The following CPA6 variants were observed in gnomAD, a reference collection of about 807,000 sequenced individuals.
CPA6 encodes the protein carboxypeptidase B.
Under a neutral mutation model 63.3 loss-of-function variants are expected in CPA6, and 58 were observed. That is an observed-to-expected ratio of 0.92 (90% CI 0.74 to 1.14). The LOEUF (loss-of-function observed/expected upper bound fraction) is 1.14, where lower values mean the gene tolerates loss of function less well. CPA6 is among the 50% of genes most tolerant of loss of function. The pLI is 0.00. For missense variants in CPA6, 565 were observed against 526.6 expected (o/e 1.07, Z -0.71); for synonymous variants, 185 against 179.0 (o/e 1.03, Z -0.27).
chr8:67,662,842 C>A (rs986762116), intron 1 of CPA6, among the ~76,000 whole-genome samples: 1 of 152,158 alleles, frequency 6.6e-6, no homozygotes, highest in South Asian at 2.1e-4. Flanking sequence ...AGAGGCAGAT[C>A]TCTCCTCTCC....
At chr8:67,732,007 G>C (rs1181291801) in intron 1 of CPA6, among the ~76,000 whole-genome samples, 5 of 152,078 alleles carry the variant, frequency 3.3e-5, no homozygotes. Flanking sequence ...GCTAATAAAA[G>C]TGTTGACCAG....
intron 6 of CPA6, among the ~76,000 whole-genome samples, chr8:67,489,320 C>A (rs986802600): frequency 6.6e-6 from 1 of 152,006 alleles, no homozygotes; most frequent in Non-Finnish European, 1.5e-5. Flanking sequence ...AGACTTTATT[C>A]GTTTCTCATA....
chr8:67,468,098 G>T (rs528612383), intron 8 of CPA6, among the ~76,000 whole-genome samples: 8 of 151,864 alleles, frequency 5.3e-5, no homozygotes, highest in Non-Finnish European at 8.8e-5. Flanking sequence ...ATCTGTAAGG[G>T]CTCCCAATTA....
chr8:67,548,286 CTA>C (rs756981604), intron 2 of CPA6, among the ~76,000 whole-genome samples: 2 of 141,222 alleles, frequency 1.4e-5, no homozygotes, highest in Non-Finnish European at 3.0e-5. Flanking sequence ...GAGTCTGACT[CTA>C]TTGCCCAGCC....
chr8:67,529,138 T>C (rs2128968613), intron 2 of CPA6, among the ~76,000 whole-genome samples: 1 of 152,180 alleles, frequency 6.6e-6, no homozygotes, highest in East Asian at 1.9e-4. Flanking sequence ...TTGATGTTCT[T>C]ATCTACAGAC....
In CPA6 at chr8:67,617,851, T is replaced by C. The variant is rs190593712; in HGVS notation, c.192+6325A>G. The stretch of plus-strand genomic sequence containing the variant: ...AGGACTGAGGCCCCCATTTTCCTTT[T>C]AGTAGGCTTTAGATAGTTCTCAGCA... On this transcript the variant is annotated intron_variant, in intron 2 of 10. Transcript: ENST00000297770. 3.3e-5 allele frequency among the ~76,000 whole-genome samples: 5 copies of C among 152,318 alleles called. No homozygotes were observed. The East Asian group carries it at 9.7e-4, about 29-fold the overall frequency.
At chr8:67,596,272 G>T in intron 2 of CPA6, among the ~76,000 whole-genome samples, 2 of 152,092 alleles carry the variant, frequency 1.3e-5, no homozygotes, top group East Asian at 3.9e-4. Context: ...CTTCTTGAAA[G>T]ATATTTTTAC....
intron 1 of CPA6, among the ~76,000 whole-genome samples, chr8:67,676,631 T>C (rs923616776): frequency 6.6e-6 from 1 of 152,206 alleles, no homozygotes; most frequent in Non-Finnish European, 1.5e-5. Context: ...CCAACTGTAA[T>C]AGGTTCATTT....
rs767656765 is a variant in CPA6, at chr8:67,475,877, TTCTC to T, written c.838+7887_838+7890del. ...TTTCTTTCTTTCTTTCTTTCTTTCT[TTCTC>T]CTTTCTTTCTTTCTTTCTTTCTTTC... is the stretch of plus-strand genomic sequence containing the variant. On this transcript the variant is annotated intron_variant, in intron 8 of 10. Coordinates refer to ENST00000297770, the MANE Select transcript of CPA6 (RefSeq NM_020361.5). Among the ~76,000 whole-genome samples, 9 of 72,086 alleles carry T rather than the reference TTCTC, an allele frequency of 1.2e-4. 1 individual carries two copies. The highest frequency in any genetic ancestry group is 3.9e-4 in the African/African-American group (7 of 17,938). 47.3% of individuals were successfully genotyped at this position (72,086 alleles called of 152,430 possible). A position where few individuals can be genotyped will look rare whatever the true frequency, so the allele number is the denominator to read the frequency against.
In CPA6 at chr8:67,452,220, A is replaced by C. The variant is rs1445030413; in HGVS notation, c.839-17980T>G. The C allele has an allele frequency of 2.0e-5, 3 of 152,290 alleles. No individual in the cohort carries two copies. In the East Asian group the frequency reaches 5.8e-4, roughly 29 times the overall value. The allele number at this position is 152,290 out of a possible 1,614,324, so 9.4% of individuals were successfully genotyped here. A position where few individuals can be genotyped will look rare whatever the true frequency, so the allele number is the denominator to read the frequency against. ...GTGTGTGAAAGATGGGCAGGGCCAC[A>C]AAAAGGACAGGCTGGGATATGGAGC... is the stretch of plus-strand genomic sequence containing the variant. On this transcript the variant is annotated intron_variant, in intron 8 of 10. Transcript: ENST00000297770.
chr8:67,607,251 T>TCTTCTCCTC (rs1554679725), intron 2 of CPA6, among the ~76,000 whole-genome samples: 11 of 81,144 alleles, frequency 1.4e-4, no homozygotes, highest in Non-Finnish European at 2.3e-4. Context: ...TTCTTCTTCT[T>TCTTCTCCTC]CTCCTCCTCC....
Position 67,422,369 on chromosome 8 carries a change from T to C in CPA6, c.*135A>G. ...GTTTTCTATTGCCACAAAGTCAAAT[T>C]GCGTGGGGTCTTTTTAAAGTCCATA... On this transcript the variant is annotated 3_prime_UTR_variant, in exon 11 of 11. Coordinates refer to ENST00000297770, the MANE Select transcript of CPA6 (RefSeq NM_020361.5). 1 of 630,952 alleles carries C rather than the reference T, an allele frequency of 1.6e-6. No homozygotes were observed. The highest frequency in any genetic ancestry group is 2.6e-6 in the Non-Finnish European group (1 of 383,520). 39.1% of individuals were successfully genotyped at this position (630,952 alleles called of 1,614,324 possible). A position where few individuals can be genotyped will look rare whatever the true frequency, so the allele number is the denominator to read the frequency against.
rs1809784222 is a variant in CPA6, at chr8:67,422,451, C to G, written c.*53G>C. The G allele has an allele frequency of 6.7e-7, 1 of 1,499,942 alleles. No homozygotes were observed. The highest frequency in any genetic ancestry group is 2.3e-5 in the East Asian group (1 of 44,166). The allele number at this position is 1,499,942 out of a possible 1,614,324, so 92.9% of individuals were successfully genotyped here. On this transcript the variant is annotated 3_prime_UTR_variant, in exon 11 of 11. Transcript: ENST00000297770. ...TTTGAAAACAATTTCTATCCAGGGC[C>G]AAGTAGGCCTTGCTCAGAATCCTAT...
chr8:67,536,520 T>G (rs1271828911), intron 2 of CPA6, among the ~76,000 whole-genome samples: 1 of 152,216 alleles, frequency 6.6e-6, no homozygotes, highest in Non-Finnish European at 1.5e-5. Context: ...TGTATAGGAA[T>G]GCTTGTGATT....
At chr8:67,593,256 G>C (rs1225300091) in intron 2 of CPA6, among the ~76,000 whole-genome samples, 7 of 150,786 alleles carry the variant, frequency 4.6e-5, no homozygotes, top group Non-Finnish European at 8.9e-5. Context: ...GAGACAGTTT[G>C]TTATAATTTC....
At chr8:67,440,240 G>A (rs1228349169) in intron 8 of CPA6, among the ~76,000 whole-genome samples, 1 of 152,080 alleles carries the variant, frequency 6.6e-6, no homozygotes, top group Admixed American at 6.5e-5. Flanking sequence ...TTCTTGGTTT[G>A]TGGATGCATT....
At chr8:67,478,877 A>C (rs890628873) in intron 8 of CPA6, among the ~76,000 whole-genome samples, 2 of 152,106 alleles carry the variant, frequency 1.3e-5, no homozygotes, top group African/African-American at 4.8e-5. Context: ...TACAAAAATT[A>C]GCCCGGCGTG....
chr8:67,622,235 T>C (rs1815099042), intron 2 of CPA6, among the ~76,000 whole-genome samples: 1 of 152,210 alleles, frequency 6.6e-6, no homozygotes, highest in Non-Finnish European at 1.5e-5. Context: ...TTTCTGGTGG[T>C]ATATGAAAAC....
chr8:67,645,888 CT>C (rs888747475), intron 1 of CPA6, among the ~76,000 whole-genome samples: 41 of 152,278 alleles, frequency 2.7e-4, no homozygotes, highest in African/African-American at 9.4e-4. Flanking sequence ...GTTTCTAGTT[CT>C]TTCTTTGAGA....
Sources: gnomAD v4.1 joint callset for allele counts (sites outside exome capture counted in the v4.1 genomes callset) on GRCh38, gnomAD v4.1.1 for gene constraint, MANE v1.5 for transcripts, NCBI Gene and HGNC (gene_info 2026-07-23, HGNC 2026-07-21) for gene names.